CELF2: variants seen among roughly 807,000 people sequenced by gnomAD.
The protein encoded by CELF2 is CUGBP Elav-like family member 2.
In CELF2, 8 loss-of-function variants were observed where a neutral mutation model predicts 62.6. The observed-to-expected ratio is 0.13, with a 90% CI of 0.07 to 0.23. The LOEUF is 0.23. Ranked by LOEUF, CELF2 falls within the 10% of genes least tolerant of loss-of-function variation. The pLI is 1.00. For synonymous variants in CELF2, 258 were observed against 250.0 expected, an observed-to-expected ratio of 1.03 and a Z score of -0.30; for missense variants, 333 against 671.0, an observed-to-expected ratio of 0.50 and a Z score of 5.56.
At chr10:10,880,920 A>G (rs994377615) in intron 1 of CELF2, among the ~76,000 whole-genome samples, 1 of 152,204 alleles carries the variant, frequency 6.6e-6, no homozygotes, top group African/African-American at 2.4e-5. Context: ...ATGTACTCAA[A>G]GGATTCAAGG....
At chr10:10,832,332 G>A (rs2057936939) in intron 1 of CELF2, among the ~76,000 whole-genome samples, 1 of 152,026 alleles carries the variant, frequency 6.6e-6, no homozygotes, top group South Asian at 2.1e-4. Context: ...ACAATTTGGA[G>A]AACTTTGTGG....
chr10:11,095,913 TAA>T (rs113791116), intron 1 of CELF2, among the ~76,000 whole-genome samples: 2 of 150,288 alleles, frequency 1.3e-5, no homozygotes, highest in African/African-American at 4.9e-5. Flanking sequence ...AAACTATATT[TAA>T]AAAAAAAATA....
chr10:11,050,207 G>C (rs1170651276), intron 1 of CELF2, among the ~76,000 whole-genome samples: 4 of 152,226 alleles, frequency 2.6e-5, no homozygotes, highest in Non-Finnish European at 1.5e-5. Flanking sequence ...TCTAAGAAGA[G>C]AACAGTATTT....
chr10:10,952,171 G>A (rs1429521680), intron 2 of CELF2: 1 of 152,196 alleles, frequency 6.6e-6, no homozygotes, highest in African/African-American at 2.4e-5. Flanking sequence ...AATGGCAACC[G>A]GGAATTATTA....
chr10:11,268,079 C>G lies in CELF2; in HGVS notation c.618+1402C>G, dbSNP rs2082654043. Among the ~76,000 whole-genome samples the G allele has an allele frequency of 6.6e-6, 1 of 152,134 alleles. No homozygotes were observed. Among genetic ancestry groups the G allele is most frequent in the Non-Finnish European group, 1.5e-5 (1 of 68,028 alleles). On this transcript the variant is annotated intron_variant, in intron 6 of 12. Coordinates refer to ENST00000633077, the MANE Select transcript of CELF2 (RefSeq NM_001326342.2). The surrounding 1 kb of genome is among the most constrained non-coding windows in gnomAD (Gnocchi z 4.7). The stretch of plus-strand genomic sequence containing the variant: ...GGAATGTCTAGGAAGCTAATCTTGT[C>G]TGACACGCAGTTACACGTGTGATGG...
At chr10:10,470,822 A>T in the CELF2 span, among the ~76,000 whole-genome samples, 1 of 150,974 alleles carries the variant, frequency 6.6e-6, no homozygotes, top group Admixed American at 6.7e-5. Flanking sequence ...GATTTCAGGG[A>T]TTAAAGCATG....
At chr10:11,005,103 C>T (rs1188104931), upstream of CELF2, 1 of 985,084 alleles carries the variant, frequency 1.0e-6, no homozygotes, top group Non-Finnish European at 1.2e-6. The surrounding 1 kb of genome is among the most constrained non-coding windows in gnomAD (Gnocchi z 4.3). Flanking sequence ...AGACAAGACC[C>T]CTATAGGCAG....
the CELF2 span, among the ~76,000 whole-genome samples, chr10:10,729,654 C>T: frequency 6.6e-6 from 1 of 152,030 alleles, no homozygotes; most frequent in African/African-American, 2.4e-5. Flanking sequence ...TTGTGTGCAC[C>T]TGTAGTCCCA....
At chr10:10,683,036 C>A in the CELF2 span, among the ~76,000 whole-genome samples, 1 of 152,168 alleles carries the variant, frequency 6.6e-6, no homozygotes, top group South Asian at 2.1e-4. Context: ...CTTGCTTTCT[C>A]TTTTCTCTAA....
At chr10:10,872,521 A>T (rs2060814316) in intron 1 of CELF2, among the ~76,000 whole-genome samples, 1 of 152,228 alleles carries the variant, frequency 6.6e-6, no homozygotes, top group Non-Finnish European at 1.5e-5. Context: ...CTGTCAGCTG[A>T]TCCCAAACAT....
At position 11,075,208 on chromosome 10, in the gene CELF2, C is replaced by T. The variant is rs550496136; in HGVS notation, c.74+57045C>T. ...GTGATAAAGGCATGGAGTTGCCCCA[C>T]TCTGTGGCTCCTTCATTTGTAAGGG... On this transcript the variant is annotated intron_variant, in intron 1 of 12. Transcript: ENST00000633077. This position sits in a 1 kb window ranked among gnomAD's most constrained non-coding sequence, Gnocchi z 5.4. 6.6e-6 allele frequency: 1 copy of T among 152,354 alleles called. No homozygotes were observed. Among genetic ancestry groups the T allele is most frequent in the South Asian group, 2.1e-4 (1 of 4,830 alleles). 9.4% of individuals were successfully genotyped at this position (152,354 alleles called of 1,614,324 possible).
At chr10:10,659,982 G>A in the CELF2 span, among the ~76,000 whole-genome samples, 1 of 152,198 alleles carries the variant, frequency 6.6e-6, no homozygotes, top group Non-Finnish European at 1.5e-5. Flanking sequence ...CAGAGAGTAA[G>A]TAGGAGATGT....
At chr10:10,530,610 G>A in the CELF2 span, among the ~76,000 whole-genome samples, 10 of 152,134 alleles carry the variant, frequency 6.6e-5, no homozygotes, top group Non-Finnish European at 1.3e-4. Context: ...ACAATCCAAG[G>A]ACTCTTCCTC....
the CELF2 span, among the ~76,000 whole-genome samples, chr10:10,774,645 G>T: frequency 6.6e-6 from 1 of 152,130 alleles, no homozygotes; most frequent in Non-Finnish European, 1.5e-5. Context: ...AGCAGATGGC[G>T]CAGTGCTTCC....
At chr10:10,639,264 T>C in the CELF2 span, among the ~76,000 whole-genome samples, 4 of 152,250 alleles carry the variant, frequency 2.6e-5, no homozygotes, top group African/African-American at 9.6e-5. Context: ...TGTCAGCTTA[T>C]GGCTTATGGT....
At chr10:10,604,805 A>G in the CELF2 span, among the ~76,000 whole-genome samples, 1 of 152,230 alleles carries the variant, frequency 6.6e-6, no homozygotes, top group African/African-American at 2.4e-5. Context: ...AAATTGAAAT[A>G]CTTTTGATGT....
At chr10:10,548,510 G>A in the CELF2 span, among the ~76,000 whole-genome samples, 1 of 152,100 alleles carries the variant, frequency 6.6e-6, no homozygotes, top group Non-Finnish European at 1.5e-5. Context: ...TAGTATGTTT[G>A]CCATTTTTGA....
the CELF2 span, among the ~76,000 whole-genome samples, chr10:10,665,535 A>AGT: frequency 6.6e-6 from 1 of 152,168 alleles, no homozygotes; most frequent in African/African-American, 2.4e-5. Context: ...CTCGTTGTCC[A>AGT]CCCTGGACAT....
chr10:10,680,145 G>A, the CELF2 span, among the ~76,000 whole-genome samples: 6 of 68,646 alleles, frequency 8.7e-5, no homozygotes, highest in East Asian at 1.7e-3. Context: ...ATGTATGTAC[G>A]TATGTATGTA....
Sources: allele counts gnomAD v4.1 joint callset (sites outside exome capture counted in the v4.1 genomes callset), GRCh38; gene constraint gnomAD v4.1.1; non-coding constraint Gnocchi (gnomAD v3.1); transcripts MANE v1.5; gene names NCBI Gene and HGNC (gene_info 2026-07-23, HGNC 2026-07-21).